ITIH2: variants seen among roughly 807,000 people sequenced by gnomAD.
ITIH2 encodes inter-alpha-trypsin inhibitor heavy chain 2.
ITIH2 carries 103 observed loss-of-function variants against 104.4 expected under a neutral mutation model. That is an observed-to-expected ratio of 0.99 (90% CI 0.84 to 1.16). The LOEUF (loss-of-function observed/expected upper bound fraction) is 1.16, where lower values mean the gene tolerates loss of function less well. Ranked by LOEUF, ITIH2 falls within the 50% of genes most tolerant of loss-of-function variation. The pLI, the probability that ITIH2 is intolerant of heterozygous loss-of-function variation, is 0.00. For missense variants in ITIH2, 1,108 were observed against 1,162.4 expected, an observed-to-expected ratio of 0.95 and a Z score of 0.68; for synonymous variants, 436 against 435.4, an observed-to-expected ratio of 1.00 and a Z score of -0.02.
intron 16 of ITIH2, among the ~76,000 whole-genome samples, chr10:7,739,984 G>A (rs978259139): frequency 2.0e-5 from 3 of 152,156 alleles, no homozygotes; most frequent in Admixed American, 6.5e-5. Flanking sequence ...TCAGGAGTTC[G>A]AATCCAGCCT....
chr10:7,736,364 C>T (rs971581096), intron 15 of ITIH2, among the ~76,000 whole-genome samples: 10 of 151,692 alleles, frequency 6.6e-5, no homozygotes, highest in African/African-American at 1.9e-4. Flanking sequence ...GACCTTGTCT[C>T]GAAAAAAAAT....
chr10:7,706,840 G>T (rs1190150171), intron 2 of ITIH2, among the ~76,000 whole-genome samples: 1 of 152,122 alleles, frequency 6.6e-6, no homozygotes, highest in African/African-American at 2.4e-5. Flanking sequence ...CCTCATGGCC[G>T]AATGGAGGAT....
At position 7,749,406 on chromosome 10, in the gene ITIH2, G is replaced by C; in HGVS notation, c.*72G>C. 7.6e-7 allele frequency: 1 copy of C among 1,313,050 alleles called. No homozygotes were observed. Among genetic ancestry groups the C allele is most frequent in the South Asian group, 1.4e-5 (1 of 70,358 alleles). The allele number at this position is 1,313,050 out of a possible 1,614,324, so 81.3% of individuals were successfully genotyped here. A position where few individuals can be genotyped will look rare whatever the true frequency, so the allele number is the denominator to read the frequency against. On this transcript the variant is annotated 3_prime_UTR_variant, in exon 21 of 21. Coordinates refer to ENST00000358415, the MANE Select transcript of ITIH2 (RefSeq NM_002216.3). The stretch of plus-strand genomic sequence containing the variant: ...CTGTCACTTTTGCAGATATTCTTCG[G>C]TTTGAATAATTAAAATGAACCAGAT...
Position 7,703,497 on chromosome 10 carries a change from C to A in ITIH2, c.63C>A (p.Ile21=), listed in dbSNP as rs755951323. The A allele has an allele frequency of 5.0e-6, 8 of 1,611,824 alleles. No individual in the cohort carries two copies. The highest frequency in any genetic ancestry group is 6.8e-6 in the Non-Finnish European group (8 of 1,178,068). ...TTTCTGAAGTATCAGGCTTCGAAAT[C>A]CCCATAAATGGACTTTCTGAAGTAA... ...FFLSEVSGFE[I]PINGLSEFVD... The change falls in exon 1 of 21, where the codon ATC becomes ATA. Residue 21 remains isoleucine (I), a synonymous_variant. Transcript: ENST00000358415.
intron 3 of ITIH2, among the ~76,000 whole-genome samples, chr10:7,708,171 G>T (rs1338699555): frequency 6.6e-6 from 1 of 152,170 alleles, no homozygotes; most frequent in African/African-American, 2.4e-5. Context: ...CAAAGTTTGG[G>T]GAATGAGACC....
At chr10:7,729,538 A>G (rs144865652) in intron 11 of ITIH2, among the ~76,000 whole-genome samples, 399 of 152,276 alleles carry the variant, frequency 2.6e-3, no homozygotes, top group Non-Finnish European at 4.8e-3. Flanking sequence ...GCATGCATGC[A>G]AATGCATCCT....
chr10:7,742,480 C>A (rs1329950771), intron 16 of ITIH2, among the ~76,000 whole-genome samples: 1 of 152,122 alleles, frequency 6.6e-6, no homozygotes, highest in Non-Finnish European at 1.5e-5. Context: ...GCGGCTCACA[C>A]CTTTAATCCC....
At chr10:7,715,698 C>T (rs976269574) in intron 5 of ITIH2, among the ~76,000 whole-genome samples, 1 of 152,174 alleles carries the variant, frequency 6.6e-6, no homozygotes, top group Non-Finnish European at 1.5e-5. Flanking sequence ...ACTCCCCAAT[C>T]CCTTAGGCTG....
chr10:7,743,380 G>A, intron 17 of ITIH2, 121 bp downstream of exon 17: 1 of 583,964 alleles, frequency 1.7e-6, no homozygotes, highest in Non-Finnish European at 3.0e-6. Context: ...TGATATTAGT[G>A]AGAAATTAAA....
chr10:7,732,881 C>A (rs748342433), intron 14 of ITIH2, among the ~76,000 whole-genome samples: 1 of 152,086 alleles, frequency 6.6e-6, no homozygotes, highest in Non-Finnish European at 1.5e-5. Flanking sequence ...GTGCCCACCA[C>A]CACGCCCAGC....
At position 7,729,989 on chromosome 10, in the gene ITIH2, G is replaced by A; in HGVS notation, c.1317G>A (p.Lys439=). 1 of 1,609,072 alleles carries A rather than the reference G, an allele frequency of 6.2e-7. No homozygotes were observed. Residue 439 remains lysine, a synonymous_variant, in exon 12 of 21, where the codon AAG becomes AAA. Transcript: ENST00000358415. ...TGTCAAAAATTCAGAAAAACGTTAA[G>A]GAGAACATCCAAGACAATATCTCCT... ...LKLSKIQKNV[K]ENIQDNISLF...
Position 7,738,744 on chromosome 10 carries a change from C to A in ITIH2, c.2081C>A (p.Pro694Gln). 3.1e-6 allele frequency: 5 copies of A among 1,611,006 alleles called. No homozygotes were observed. Among genetic ancestry groups the A allele is most frequent in the African/African-American group, 1.3e-5 (1 of 74,844 alleles). Residue 694 changes from proline (P) to glutamine (Q), a missense_variant, in exon 16 of 21, where the codon CCA (proline) becomes CAA (glutamine). Transcript: ENST00000358415. ...CAGGTGCTAGAGTCCACGCCACCCC[C>A]ACATGTGATGAGAGGTAACGCTTCT... ...GSQVLESTPP[P>Q]HVMRVENDPH...
intron 8 of ITIH2, 30 bp from the exon 9 acceptor site, chr10:7,723,421 T>G (rs1182002517): frequency 1.5e-6 from 2 of 1,370,968 alleles, no homozygotes; most frequent in South Asian, 2.3e-5. Context: ...CGAATCATGA[T>G]TTGACTCACA....
rs767274386 is a variant in ITIH2, at chr10:7,749,208, A to G, written c.2715A>G (p.Arg905=). Residue 905 remains arginine (R), a synonymous_variant, in exon 21 of 21, where the codon AGA becomes AGG. Transcript: ENST00000358415. ...GCAGGGGCTTACAGAAAGACTACAGAACGGATCTAGTGTTTGGAACGGACG... is the reference window on the plus strand; with the variant it reads ...GCAGGGGCTTACAGAAAGACTACAGGACGGATCTAGTGTTTGGAACGGACG... ...IITRGLQKDY[R]TDLVFGTDVT... The G allele has an allele frequency of 3.2e-5, 52 of 1,614,092 alleles. No homozygotes were observed. The highest frequency in any genetic ancestry group is 1.6e-4 in the Middle Eastern group (1 of 6,062).
chr10:7,749,135 G>A, intron 20 of ITIH2, 52 bp from the exon 21 acceptor site: 1 of 1,556,096 alleles, frequency 6.4e-7, no homozygotes. Flanking sequence ...AGGGAGTCTT[G>A]TGTCTAGAGG....
chr10:7,719,760 C>CAAAAAAAAAAAAAAAAAAAAAAAA (rs71385664), intron 6 of ITIH2, among the ~76,000 whole-genome samples: 3 of 41,714 alleles, frequency 7.2e-5, no homozygotes, highest in East Asian at 7.7e-4. Flanking sequence ...GACCCTGTCT[C>CAAAAAAAAAAAAAAAAAAAAAAAA]AAAAAAAAAA....
At position 7,738,664 on chromosome 10, in the gene ITIH2, G is replaced by A. The variant is rs568011933; in HGVS notation, c.2001G>A (p.Pro667=). The part of the protein sequence containing the change: ...YGSKVVPDST[P]SWANPSPTPV... ...GCAAAGTGGTTCCAGATTCCACCCC[G>A]TCTTGGGCCAATCCTTCACCAACGC... The change falls in exon 16 of 21, where the codon CCG becomes CCA. Residue 667 remains proline, a synonymous_variant. Coordinates refer to ENST00000358415, the MANE Select transcript of ITIH2 (RefSeq NM_002216.3). 23 of 1,613,842 alleles carry A rather than the reference G, an allele frequency of 1.4e-5. No homozygotes were observed. In the East Asian group the frequency reaches 3.3e-4, roughly 23 times the overall value.
intron 19 of ITIH2, 142 bp downstream of exon 19, chr10:7,745,105 C>A: frequency 1.5e-6 from 1 of 665,616 alleles, no homozygotes; most frequent in Non-Finnish European, 2.5e-6. Flanking sequence ...TGGGGTCGCT[C>A]GGGAATGTGA....
chr10:7,731,695 A>C, intron 12 of ITIH2, 116 bp from the exon 13 acceptor site: 2 of 742,692 alleles, frequency 2.7e-6, no homozygotes, highest in South Asian at 4.7e-5. Flanking sequence ...ACTGCACTCC[A>C]GCCTGGGCAA....
Sources: gnomAD v4.1 joint callset for allele counts (sites outside exome capture counted in the v4.1 genomes callset) on GRCh38, gnomAD v4.1.1 for gene constraint, MANE v1.5 for transcripts, NCBI Gene and HGNC (gene_info 2026-07-23, HGNC 2026-07-21) for gene names.